Variants in ADAR observed in about 807,000 individuals in gnomAD.
ADAR encodes the protein adenosine deaminase RNA specific.
In ADAR, 41 loss-of-function variants were observed where a neutral mutation model predicts 113.2. The ratio of observed to expected loss-of-function variants is 0.36; its 90% CI spans 0.28 to 0.47. The LOEUF is 0.47. Among genes scored for constraint, ADAR ranks in the 20% least tolerant of loss-of-function variants. The probability of loss-of-function intolerance (pLI) is 1.00; values close to 1 mark genes in which losing one functional copy is unlikely to be tolerated. For missense variants in ADAR, 1,242 were observed against 1,540.9 expected (o/e 0.81, Z 3.25); for synonymous variants, 605 against 572.6 (o/e 1.06, Z -0.81).
chr1:154,590,167 A>G lies in ADAR; in HGVS notation c.2496+17T>C, dbSNP rs1697047160. On this transcript the variant is annotated intron_variant, in intron 7 of 14. Coordinates refer to ENST00000368474, the MANE Select transcript of ADAR (RefSeq NM_001111.5). The stretch of plus-strand genomic sequence containing the variant: ...CCCCCCCGCCCCAAAAAAGGCACCA[A>G]AAGTAGACGTCTTAACTGTCTTTGG... The G allele has an allele frequency of 4.5e-6, 5 of 1,115,362 alleles. No homozygotes were observed. Among genetic ancestry groups the G allele is most frequent in the Non-Finnish European group, 6.4e-6 (5 of 778,178 alleles). 69.1% of individuals were successfully genotyped at this position (1,115,362 alleles called of 1,614,324 possible).
At chr1:154,597,018 G>A (rs1049645574) in intron 5 of ADAR, 23 bp from the exon 6 acceptor site, 1 of 1,614,142 alleles carries the variant, frequency 6.2e-7, no homozygotes, top group East Asian at 2.2e-5. Flanking sequence ...CCATCAAACA[G>A]AGGAGCCATA....
chr1:154,590,091 G>A lies in ADAR; in HGVS notation c.2496+93C>T. The A allele has an allele frequency of 8.0e-6, 12 of 1,508,182 alleles. 1 individual carries two copies. In the South Asian group the frequency reaches 1.2e-4, roughly 16 times the overall value. 93.4% of individuals were successfully genotyped at this position (1,508,182 alleles called of 1,614,324 possible). A position where few individuals can be genotyped will look rare whatever the true frequency, so the allele number is the denominator to read the frequency against. Reference sequence around the variant, plus strand: ...CTCTCGAGGCTAAGAGTAAAGCCTAGGAATAACTCGCATGACAGCAAGAGC... The same window carrying A: ...CTCTCGAGGCTAAGAGTAAAGCCTAAGAATAACTCGCATGACAGCAAGAGC... On this transcript the variant is annotated intron_variant, in intron 7 of 14. Coordinates refer to ENST00000368474, the MANE Select transcript of ADAR (RefSeq NM_001111.5).
chr1:154,594,929 A>G (rs1201164504), intron 6 of ADAR, among the ~76,000 whole-genome samples: 1 of 152,232 alleles, frequency 6.6e-6, no homozygotes, highest in Admixed American at 6.5e-5. Context: ...AGCAATTTCT[A>G]GAAGGACTCA....
chr1:154,588,528 G>A, intron 10 of ADAR, 23 bp downstream of exon 10: 2 of 1,612,920 alleles, frequency 1.2e-6, no homozygotes, highest in Non-Finnish European at 1.7e-6. Flanking sequence ...GCCCACCCTG[G>A]CAGCAACAGG....
intron 11 of ADAR, 124 bp from the exon 12 acceptor site, chr1:154,586,487 GC>G: frequency 9.7e-7 from 1 of 1,026,532 alleles, no homozygotes; most frequent in East Asian, 2.6e-5. Flanking sequence ...ATATTTCACA[GC>G]CCCTGCTATG....
At chr1:154,624,439 AG>A (rs1165316161) in intron 1 of ADAR, among the ~76,000 whole-genome samples, 2 of 152,142 alleles carry the variant, frequency 1.3e-5, no homozygotes, top group Non-Finnish European at 2.9e-5. Context: ...GGAGGAACTG[AG>A]GGGGGTGTAA....
At position 154,601,555 on chromosome 1, in the gene ADAR, T is replaced by C; in HGVS notation, c.1087A>G (p.Met363Val). 1 of 1,612,774 alleles carries C rather than the reference T, an allele frequency of 6.2e-7. No homozygotes were observed. The highest frequency in any genetic ancestry group is 8.5e-7 in the Non-Finnish European group (1 of 1,180,036). Residue 363 changes from methionine (M) to valine (V), a missense_variant, in exon 2 of 15, where the codon ATG (methionine) becomes GTG (valine). This residue lies in a region of ADAR where 462 missense variants were observed against 483.1 expected (regional missense o/e 0.96). Coordinates refer to ENST00000368474, the MANE Select transcript of ADAR (RefSeq NM_001111.5). The surrounding 1 kb of genome is among the most constrained non-coding windows in gnomAD (Gnocchi z 4.7). Reference sequence around the variant, plus strand: ...CTGTTCGTATTTCTCTTGATTTGCATCCTCTCTCGCTTCTTGTCTGTCAAA... The same window carrying C: ...CTGTTCGTATTTCTCTTGATTTGCACCCTCTCTCGCTTCTTGTCTGTCAAA... Reference protein sequence around the residue: ...WHLTDKKRERMQIKRNTNSVP... With the variant: ...WHLTDKKRERVQIKRNTNSVP...
In ADAR at chr1:154,584,111, T is replaced by TA. The variant is rs1237620000; in HGVS notation, c.*694dup. The TA allele has an allele frequency of 2.0e-5, 3 of 152,328 alleles. No homozygotes were observed. Among genetic ancestry groups the TA allele is most frequent in the African/African-American group, 7.2e-5 (3 of 41,428 alleles). 9.4% of individuals were successfully genotyped at this position (152,328 alleles called of 1,614,324 possible). On this transcript the variant is annotated 3_prime_UTR_variant, in exon 15 of 15. Transcript: ENST00000368474. ...ACTTCCCAGCTGCCGGAGAAAGTGA[T>TA]ACACTTCCAGGGAAGCAGCTTTCCT...
chr1:154,594,307 G>A (rs1034397053), intron 6 of ADAR, among the ~76,000 whole-genome samples: 1 of 152,166 alleles, frequency 6.6e-6, no homozygotes, highest in East Asian at 1.9e-4. Context: ...AAACAGTTAA[G>A]AGTGTACAAT....
chr1:154,627,285 G>A (rs1186881960), intron 1 of ADAR, among the ~76,000 whole-genome samples: 1 of 152,224 alleles, frequency 6.6e-6, no homozygotes, highest in Non-Finnish European at 1.5e-5. Context: ...CAGACAGGCT[G>A]AGCGCGGCGG....
At position 154,588,662 on chromosome 1, in the gene ADAR, C is replaced by T; in HGVS notation, c.2774G>A (p.Ser925Asn). 6.2e-7 allele frequency: 1 copy of T among 1,614,182 alleles called. No homozygotes were observed. The highest frequency in any genetic ancestry group is 1.1e-5 in the South Asian group (1 of 91,088). The change falls in exon 10 of 15, where the codon AGT (serine) becomes AAT (asparagine). Residue 925 changes from serine to asparagine, a missense_variant. By Grantham distance (46) the Ser-to-Asn change is conservative. Transcript: ENST00000368474. ...CTGGGAGTTGTATTTCATTAACTCACTGTAGAGAAACCTACAAAAAGAAAG... is the reference window on the plus strand; with the variant it reads ...CTGGGAGTTGTATTTCATTAACTCATTGTAGAGAAACCTACAAAAAGAAAG... ...SRRGFIRFLYSELMKYNSQTA... is the reference protein window; with the variant it reads ...SRRGFIRFLYNELMKYNSQTA...
At position 154,602,020 on chromosome 1, in the gene ADAR, T is replaced by C; in HGVS notation, c.622A>G (p.Ser208Gly). The C allele has an allele frequency of 6.2e-7, 1 of 1,614,246 alleles. No individual in the cohort carries two copies. The highest frequency in any genetic ancestry group is 8.5e-7 in the Non-Finnish European group (1 of 1,180,040). Residue 208 changes from serine (S) to glycine (G), a missense_variant, in exon 2 of 15, where the codon AGC becomes GGC. Physicochemically the swap from Ser to Gly is moderately conservative, Grantham distance 56. Transcript: ENST00000368474. ...AVSTQAWNQH[S>G]GVVRPDGHSQ... is the part of the protein sequence containing the mutation. ...TGACCGTCTGGTCTTACCACTCCGC[T>C]GTGCTGGTTCCAAGCCTGAGTGGAG...
At chr1:154,590,138 A>AGGGGGGGGGCG in intron 7 of ADAR, 46 bp downstream of exon 7, 1 of 1,173,796 alleles carries the variant, frequency 8.5e-7, no homozygotes, top group Non-Finnish European at 1.2e-6. Flanking sequence ...AGGAGTTAGG[A>AGGGGGGGGGCG]GGACCCCCCC....
upstream of ADAR, chr1:154,608,334 T>A: frequency 2.7e-6 from 1 of 371,416 alleles, no homozygotes; most frequent in Non-Finnish European, 4.8e-6. Flanking sequence ...AGGTACTTTT[T>A]TTTTTTTTTT....
Position 154,597,365 on chromosome 1 carries a change from T to G in ADAR, c.1935-98A>C. 3 of 1,413,616 alleles carry G rather than the reference T, an allele frequency of 2.1e-6. No individual in the cohort carries two copies. The South Asian group carries it at 3.6e-5, about 17-fold the overall frequency. 87.6% of individuals were successfully genotyped at this position (1,413,616 alleles called of 1,614,324 possible). A position where few individuals can be genotyped will look rare whatever the true frequency, so the allele number is the denominator to read the frequency against. Reference sequence around the variant, plus strand: ...CTGCCATCCTCCACTACTGGTAATTTCCTTGAACACATCACCTCTGTGCAG... The same window carrying G: ...CTGCCATCCTCCACTACTGGTAATTGCCTTGAACACATCACCTCTGTGCAG... On this transcript the variant is annotated intron_variant, in intron 4 of 14. Coordinates refer to ENST00000368474, the MANE Select transcript of ADAR (RefSeq NM_001111.5).
chr1:154,596,564 A>T (rs1460925830), intron 6 of ADAR, among the ~76,000 whole-genome samples: 1 of 152,134 alleles, frequency 6.6e-6, no homozygotes, highest in African/African-American at 2.4e-5. Flanking sequence ...ATGTACCTAT[A>T]CATTTCTTTA....
upstream of ADAR, among the ~76,000 whole-genome samples, chr1:154,612,574 G>C (rs1698518084): frequency 2.0e-5 from 3 of 151,978 alleles, no homozygotes; most frequent in South Asian, 6.2e-4. Flanking sequence ...TCATCTGCCG[G>C]TCTTGGCCTC....
At position 154,586,258 on chromosome 1, in the gene ADAR, C is replaced by T. The variant is rs1378400148; in HGVS notation, c.3125G>A (p.Arg1042His). ...CCCTTGCAGGCCCAGCACGTTCCAG[C>T]GTAGGATTTTGTCACTACAGGACAT... The part of the protein sequence containing the change: ...RTMSCSDKIL[R>H]WNVLGLQGAL... Residue 1042 changes from arginine (R) to histidine (H), a missense_variant, in exon 12 of 15, where the codon CGC (arginine) becomes CAC (histidine). Arg to His is a conservative substitution (Grantham distance 29, BLOSUM62 0). Coordinates refer to ENST00000368474, the MANE Select transcript of ADAR (RefSeq NM_001111.5). 10 of 1,614,092 alleles carry T rather than the reference C, an allele frequency of 6.2e-6. No individual in the cohort carries two copies. The highest frequency in any genetic ancestry group is 2.2e-5 in the East Asian group (1 of 44,896).
intron 1 of ADAR, among the ~76,000 whole-genome samples, chr1:154,614,849 A>T (rs570255849): frequency 6.6e-6 from 1 of 152,360 alleles, no homozygotes; most frequent in Admixed American, 6.5e-5. Context: ...ACTGACTTTC[A>T]GTGAACTGGT....
Sources: gnomAD v4.1 joint callset for allele counts (sites outside exome capture counted in the v4.1 genomes callset) on GRCh38, gnomAD v4.1.1 for gene constraint, gnomAD v4.1.1 regional missense constraint, Gnocchi (gnomAD v3.1) non-coding constraint, MANE v1.5 for transcripts, NCBI Gene and HGNC (gene_info 2026-07-23, HGNC 2026-07-21) for gene names.